Variants in PLD1 observed in about 807,000 individuals in gnomAD.
PLD1 encodes choline phosphatase 1.
Under a neutral mutation model 137.1 loss-of-function variants are expected in PLD1, and 112 were observed. The ratio of observed to expected loss-of-function variants is 0.82; its 90% CI spans 0.70 to 0.96. The LOEUF (loss-of-function observed/expected upper bound fraction) is 0.96, where lower values mean the gene tolerates loss of function less well. PLD1 is among the 40% of genes least tolerant of loss of function. The probability of loss-of-function intolerance (pLI) is 0.00; values close to 1 mark genes in which losing one functional copy is unlikely to be tolerated. For synonymous variants in PLD1, 431 were observed against 454.7 expected, an observed-to-expected ratio of 0.95 and a Z score of 0.66; for missense variants, 1,321 against 1,342.0, an observed-to-expected ratio of 0.98 and a Z score of 0.24.
chr3:171,764,862 A>AGGAAGGAAGGAAGGAAGGAAGGAAGGAAG (rs796433081), intron 1 of PLD1, among the ~76,000 whole-genome samples: 1 of 24,830 alleles, frequency 4.0e-5, no homozygotes, highest in African/African-American at 1.7e-4. Flanking sequence ...AAAGAAAGAA[A>AGGAAGGAAGGAAGGAAGGAAGGAAGGAAG]GAAAGAAAGA....
rs139534796 is a variant in PLD1 at position 171,734,946 on chromosome 3, G to A, written c.459C>T (p.Val153=). The A allele has an allele frequency of 1.2e-6, 2 of 1,612,204 alleles. No individual in the cohort carries two copies. The highest frequency in any genetic ancestry group is 1.7e-6 in the Non-Finnish European group (2 of 1,178,384). ...TRRHTFRRQN[V]REEPREMPSL... ...TGGGCATCTCTCGAGGCTCCTCTCT[G>A]ACGTTTTGCCTCCTAAACGTGTGTC... The change falls in exon 5 of 27, where the codon GTC becomes GTT. Residue 153 remains valine (V), a synonymous_variant. Transcript: ENST00000351298.
intron 1 of PLD1, among the ~76,000 whole-genome samples, chr3:171,791,006 A>C (rs978440299): frequency 6.6e-6 from 1 of 152,366 alleles, no homozygotes; most frequent in African/African-American, 2.4e-5. Context: ...TGCTATGTAC[A>C]TAGGACACAT....
At chr3:171,701,226 T>C (rs1716211510) in intron 11 of PLD1, among the ~76,000 whole-genome samples, 1 of 152,244 alleles carries the variant, frequency 6.6e-6, no homozygotes, top group Admixed American at 6.5e-5. Context: ...AGTGTAAGTC[T>C]TGCATATTTA....
At chr3:171,646,868 C>T (rs1348982102) in intron 21 of PLD1, among the ~76,000 whole-genome samples, 2 of 152,138 alleles carry the variant, frequency 1.3e-5, no homozygotes, top group East Asian at 3.9e-4. Flanking sequence ...CAGGAGACTA[C>T]CACCCTTTGT....
chr3:171,695,753 C>T (rs1335378269), intron 12 of PLD1, among the ~76,000 whole-genome samples: 1 of 130,468 alleles, frequency 7.7e-6, no homozygotes, highest in Non-Finnish European at 1.6e-5. Context: ...ACCCCCCCAA[C>T]CCAGGATGCT....
At chr3:171,659,951 CT>C (rs1737531114) in intron 20 of PLD1, among the ~76,000 whole-genome samples, 1 of 152,092 alleles carries the variant, frequency 6.6e-6, no homozygotes, top group African/African-American at 2.4e-5. Flanking sequence ...ACAAAATAGT[CT>C]TTAAAACTGT....
intron 11 of PLD1, among the ~76,000 whole-genome samples, chr3:171,704,136 T>G (rs1485760606): frequency 1.3e-5 from 2 of 152,202 alleles, no homozygotes; most frequent in Admixed American, 6.5e-5. Context: ...TGCATGGATT[T>G]CATCCTAAAC....
intron 12 of PLD1, among the ~76,000 whole-genome samples, 166 bp from the exon 13 acceptor site, chr3:171,692,608 C>A (rs902831985): frequency 1.3e-5 from 2 of 152,098 alleles, no homozygotes; most frequent in African/African-American, 4.8e-5. Flanking sequence ...GCAACCTCCA[C>A]CTCTCGGGTT....
intron 23 of PLD1, among the ~76,000 whole-genome samples, chr3:171,628,680 ATCCCTGGGATGC>A (rs1578139298): frequency 6.6e-6 from 1 of 151,234 alleles, no homozygotes; most frequent in East Asian, 1.9e-4. Context: ...AGTGGGCTTC[ATCCCTGGGATGC>A]AAGGCTGGTT....
chr3:171,658,758 AAT>A (rs1487902075), intron 21 of PLD1, among the ~76,000 whole-genome samples: 1 of 152,194 alleles, frequency 6.6e-6, no homozygotes, highest in Non-Finnish European at 1.5e-5. Flanking sequence ...AAAATCACTG[AAT>A]TGTATAGTTT....
At chr3:171,674,979 C>CAAAAAAAAAAAAAAAAAAAA (rs376402019) in intron 18 of PLD1, among the ~76,000 whole-genome samples, 1 of 75,036 alleles carries the variant, frequency 1.3e-5, no homozygotes, top group African/African-American at 4.6e-5. Context: ...ATCTCCATCT[C>CAAAAAAAAAAAAAAAAAAAA]AAAAAAAAAA....
At chr3:171,645,876 TC>T (rs1239417929) in intron 21 of PLD1, among the ~76,000 whole-genome samples, 1 of 101,032 alleles carries the variant, frequency 9.9e-6, no homozygotes, top group African/African-American at 4.2e-5. Flanking sequence ...AGAGCGAGAC[TC>T]CATCTCAAAA....
intron 21 of PLD1, among the ~76,000 whole-genome samples, chr3:171,656,764 G>C (rs1737235000): frequency 6.6e-6 from 1 of 152,156 alleles, no homozygotes. Context: ...CTCACCATGG[G>C]ATCAAGACAT....
At chr3:171,695,204 T>C (rs1715571460) in intron 12 of PLD1, among the ~76,000 whole-genome samples, 1 of 152,224 alleles carries the variant, frequency 6.6e-6, no homozygotes, top group Admixed American at 6.5e-5. Flanking sequence ...TGGGAAATAT[T>C]TCTGCAAAAT....
chr3:171,782,235 A>G (rs1722823878), intron 1 of PLD1, among the ~76,000 whole-genome samples: 1 of 152,234 alleles, frequency 6.6e-6, no homozygotes, highest in Non-Finnish European at 1.5e-5. Flanking sequence ...CTGGCAGAGC[A>G]TAAGAGGGTG....
intron 21 of PLD1, among the ~76,000 whole-genome samples, chr3:171,647,909 T>C (rs1440388443): frequency 6.6e-6 from 1 of 152,186 alleles, no homozygotes; most frequent in Non-Finnish European, 1.5e-5. Flanking sequence ...TGGAAACCTC[T>C]AATCTGCTTG....
rs1242316882 is a variant in PLD1, at chr3:171,737,430, C to A, written c.288+102G>T. On this transcript the variant is annotated intron_variant, in intron 3 of 26. Coordinates refer to ENST00000351298, the MANE Select transcript of PLD1 (RefSeq NM_002662.5). ...TACATAAAAACAAACAAACAAAAAC[C>A]TACAAACATGATCATAGCTAAGAGG... 5.7e-6 allele frequency: 6 copies of A among 1,052,636 alleles called. No individual in the cohort carries two copies. In the South Asian group the frequency reaches 7.0e-5, roughly 12 times the overall value. 65.2% of individuals were successfully genotyped at this position (1,052,636 alleles called of 1,614,324 possible).
intron 19 of PLD1, among the ~76,000 whole-genome samples, chr3:171,671,041 C>T (rs1248372559): frequency 6.6e-6 from 1 of 152,160 alleles, no homozygotes; most frequent in Non-Finnish European, 1.5e-5. Flanking sequence ...TCATACCAAA[C>T]ATAAGTCTTT....
chr3:171,717,089 G>T (rs1325560720), intron 8 of PLD1, among the ~76,000 whole-genome samples: 1 of 152,108 alleles, frequency 6.6e-6, no homozygotes, highest in African/African-American at 2.4e-5. Flanking sequence ...TACCAGTACT[G>T]TACTGTATTG....
Sources: gnomAD v4.1 joint callset for allele counts (sites outside exome capture counted in the v4.1 genomes callset) on GRCh38, gnomAD v4.1.1 for gene constraint, MANE v1.5 for transcripts, NCBI Gene and HGNC (gene_info 2026-07-23, HGNC 2026-07-21) for gene names.